STRA6: variants seen among roughly 807,000 people sequenced by gnomAD.
The protein encoded by STRA6 is signaling receptor and transporter of retinol STRA6.
STRA6 carries 48 observed loss-of-function variants against 83.6 expected under a neutral mutation model. That is an observed-to-expected ratio of 0.57 (90% CI 0.46 to 0.73). STRA6 has a LOEUF of 0.73. STRA6 is among the 30% of genes least tolerant of loss of function. The probability of loss-of-function intolerance (pLI) is 0.00; values close to 1 mark genes in which losing one functional copy is unlikely to be tolerated. For missense variants in STRA6, 760 were observed against 838.8 expected (o/e 0.91, Z 1.16); for synonymous variants, 353 against 362.3 (o/e 0.97, Z 0.29).
chr15:74,182,145 C>T lies in STRA6; in HGVS notation c.1520+16G>A, dbSNP rs373020839. The T allele has an allele frequency of 6.2e-7, 1 of 1,612,520 alleles. No individual in the cohort carries two copies. The highest frequency in any genetic ancestry group is 2.2e-5 in the East Asian group (1 of 44,874). On this transcript the variant is annotated intron_variant, in intron 16 of 18. Transcript: ENST00000395105. ...GCGAGGGCCTGAGGGAGCCACAAGCCCAGATGCCACCTCACCGGTTGGTCA... is the reference window on the plus strand; with the variant it reads ...GCGAGGGCCTGAGGGAGCCACAAGCTCAGATGCCACCTCACCGGTTGGTCA...
At chr15:74,194,337 C>T (rs140037908) in intron 7 of STRA6, 1 of 1,108,952 alleles carries the variant, frequency 9.0e-7, no homozygotes, top group African/African-American at 1.6e-5. Context: ...CCCTACTCCT[C>T]AGGGCTGAGG....
At chr15:74,182,530 C>A in intron 14 of STRA6, 70 bp from the exon 15 acceptor site, 2 of 1,329,456 alleles carry the variant, frequency 1.5e-6, no homozygotes, top group Middle Eastern at 2.5e-4. Context: ...CCGCTGCCCC[C>A]AGAACCAAGG....
intron 1 of STRA6, chr15:74,207,983 G>T: frequency 1.4e-6 from 2 of 1,418,054 alleles, no homozygotes; most frequent in South Asian, 1.5e-5. Context: ...ATGTGGGAGG[G>T]TCAGAAGCAC....
chr15:74,184,089 A>G, intron 13 of STRA6, 100 bp from the exon 14 acceptor site: 1 of 1,545,066 alleles, frequency 6.5e-7, no homozygotes, highest in Non-Finnish European at 8.8e-7. Flanking sequence ...ATAGAATTTC[A>G]ACTCACAGCC....
intron 11 of STRA6, among the ~76,000 whole-genome samples, chr15:74,190,425 GTT>G (rs58826074): frequency 6.3e-5 from 9 of 143,326 alleles, no homozygotes; most frequent in Admixed American, 2.1e-4. Context: ...TTTTTTCGGG[GTT>G]TTTTTTTTTT....
chr15:74,203,294 C>T, upstream of STRA6: 6 of 808,530 alleles, frequency 7.4e-6, no homozygotes, highest in South Asian at 5.6e-5. Context: ...AAACCAGACC[C>T]ACGGGTAGGC....
upstream of STRA6, among the ~76,000 whole-genome samples, chr15:74,206,555 G>A (rs1036630474): frequency 1.3e-5 from 2 of 152,200 alleles, no homozygotes; most frequent in Non-Finnish European, 2.9e-5. Context: ...TGGCTTTAAA[G>A]GGGCACTGAT....
rs17852249 is a variant in STRA6, at chr15:74,189,190, C to T, written c.1015G>A (p.Gly339Ser). The change falls in exon 12 of 19, where the codon GGC becomes AGC. Residue 339 changes from glycine to serine, a missense_variant. Coordinates refer to ENST00000395105, the MANE Select transcript of STRA6 (RefSeq NM_022369.4). Reference sequence around the variant, plus strand: ...TCCTCGGAGAGCACGATTCCAAAGCCGGCCAGCAGGTAGGAGACATCCGTG... The same window carrying T: ...TCCTCGGAGAGCACGATTCCAAAGCTGGCCAGCAGGTAGGAGACATCCGTG... ...VTTDVSYLLA[G>S]FGIVLSEDKQ... The T allele has an allele frequency of 4.0e-5, 65 of 1,613,846 alleles. No homozygotes were observed. The highest frequency in any genetic ancestry group is 5.1e-5 in the Non-Finnish European group (60 of 1,179,996).
In STRA6 at chr15:74,179,942, C is replaced by T. The variant is rs551687337; in HGVS notation, c.*138G>A. The T allele has an allele frequency of 9.6e-5, 117 of 1,215,612 alleles. No individual in the cohort carries two copies. The South Asian group carries it at 1.5e-3, about 16-fold the overall frequency. 75.3% of individuals were successfully genotyped at this position (1,215,612 alleles called of 1,614,324 possible). On this transcript the variant is annotated 3_prime_UTR_variant, in exon 19 of 19. Transcript: ENST00000395105. ...GAGGCTCCCAGTGCAGACAGACCTC[C>T]ACCCAACCACAGTGATCCGGAGGAC...
At chr15:74,208,751 C>T (rs1233160837) in intron 1 of STRA6, 1 of 988,618 alleles carries the variant, frequency 1.0e-6, no homozygotes. Context: ...TCGCTGTTCC[C>T]CGACCTGTTC....
chr15:74,182,315 T>C, intron 15 of STRA6, 28 bp downstream of exon 15: 1 of 1,613,854 alleles, frequency 6.2e-7, no homozygotes, highest in Non-Finnish European at 8.5e-7. Flanking sequence ...AAGGAGTCCC[T>C]GAGCCCTCCA....
At chr15:74,207,530 A>G (rs570548699), upstream of STRA6, among the ~76,000 whole-genome samples, 1 of 151,982 alleles carries the variant, frequency 6.6e-6, no homozygotes, top group East Asian at 1.9e-4. Context: ...AAGGCCAGAG[A>G]CCCCCGTTGC....
chr15:74,185,253 G>C (rs1334200512), intron 12 of STRA6, among the ~76,000 whole-genome samples, 198 bp from the exon 13 acceptor site: 1 of 152,234 alleles, frequency 6.6e-6, no homozygotes, highest in Non-Finnish European at 1.5e-5. Flanking sequence ...ATTCTTCCCA[G>C]TGACATACAG....
At position 74,202,588 on chromosome 15, in the gene STRA6, C is replaced by G. The variant is rs1460249539; in HGVS notation, c.-16+125G>C. On this transcript the variant is annotated intron_variant, in intron 1 of 18. Transcript: ENST00000395105. Reference sequence around the variant, plus strand: ...GCTCCCGCTGGCGCATCTGTCTGACCAACCACCAGCAGGCGTGTGTTCAAA... The same window carrying G: ...GCTCCCGCTGGCGCATCTGTCTGACGAACCACCAGCAGGCGTGTGTTCAAA... The G allele has an allele frequency of 1.7e-5, 25 of 1,463,124 alleles. No homozygotes were observed. The African/African-American group carries it at 2.4e-4, about 14-fold the overall frequency. 90.6% of individuals were successfully genotyped at this position (1,463,124 alleles called of 1,614,324 possible).
At chr15:74,191,542 C>T (rs766454529) in intron 8 of STRA6, 51 bp from the exon 9 acceptor site, 55 of 1,512,102 alleles carry the variant, frequency 3.6e-5, no homozygotes, top group Non-Finnish European at 4.7e-5. Context: ...TCGACCCATT[C>T]GTGGGTCCCT....
At chr15:74,190,576 C>A (rs980464969) in intron 11 of STRA6, among the ~76,000 whole-genome samples, 1 of 152,158 alleles carries the variant, frequency 6.6e-6, no homozygotes, top group Non-Finnish European at 1.5e-5. Context: ...TTGCCCAAGG[C>A]CACACAGGAG....
intron 13 of STRA6, 120 bp downstream of exon 13, chr15:74,184,860 A>G: frequency 9.8e-7 from 1 of 1,016,058 alleles, no homozygotes. Context: ...GGTGGGCTCC[A>G]TGACAGCCCG....
At position 74,188,971 on chromosome 15, in the gene STRA6, G is replaced by C. The variant is rs1595837955; in HGVS notation, c.1090+144C>G. The C allele has an allele frequency of 2.0e-6, 2 of 981,578 alleles. No homozygotes were observed. Among genetic ancestry groups the C allele is most frequent in the East Asian group, 5.3e-5 (2 of 37,976 alleles). The allele number at this position is 981,578 out of a possible 1,614,324, so 60.8% of individuals were successfully genotyped here. Reference sequence around the variant, plus strand: ...CTGGAAGCGCCAACTGCCACAATTTGGAGATGAGGCAATCGAGACCCAGAG... The same window carrying C: ...CTGGAAGCGCCAACTGCCACAATTTCGAGATGAGGCAATCGAGACCCAGAG... On this transcript the variant is annotated intron_variant, in intron 12 of 18. Transcript: ENST00000395105. This position sits in a 1 kb window ranked among gnomAD's most constrained non-coding sequence, Gnocchi z 4.5.
At chr15:74,195,105 C>T (rs2073746147) in intron 7 of STRA6, 197 bp downstream of exon 7, 3 of 1,477,478 alleles carry the variant, frequency 2.0e-6, no homozygotes, top group Non-Finnish European at 2.7e-6. Flanking sequence ...AGGGCTGGGC[C>T]CAGCCACCTT....
Sources: gnomAD v4.1 joint callset for allele counts (sites outside exome capture counted in the v4.1 genomes callset) on GRCh38, gnomAD v4.1.1 for gene constraint, Gnocchi (gnomAD v3.1) non-coding constraint, MANE v1.5 for transcripts, NCBI Gene and HGNC (gene_info 2026-07-23, HGNC 2026-07-21) for gene names.